Variants in ZNF536 observed in about 807,000 individuals in gnomAD.
The protein encoded by ZNF536 is zinc finger protein 536.
ZNF536 carries 13 observed loss-of-function variants against 84.5 expected under a neutral mutation model. That is an observed-to-expected ratio of 0.15 (90% CI 0.10 to 0.24). The LOEUF is 0.24. ZNF536 is among the 10% of genes least tolerant of loss of function. The pLI is 1.00. For missense variants in ZNF536, 1,536 were observed against 1,747.5 expected (o/e 0.88, Z 2.16); for synonymous variants, 811 against 742.5 (o/e 1.09, Z -1.50).
chr19:30,354,972 T>C (rs2048045778), intron 3 of ZNF536, among the ~76,000 whole-genome samples: 2 of 152,212 alleles, frequency 1.3e-5, no homozygotes, highest in African/African-American at 4.8e-5. Flanking sequence ...GGACTCTTGG[T>C]GCTTCTCTTC....
chr19:30,366,398 A>ATCTATATC lies in ZNF536; in HGVS notation c.-3+13915_-3+13916insCTATATCT, dbSNP rs879736709. On this transcript the variant is annotated intron_variant, in intron 3 of 5. Coordinates refer to the ZNF536 transcript ENST00000585628. ...TATCTATCTATCTATCTATCTATCT[A>ATCTATATC]TATCTATCTCCTTCCTTCCTTCTTT... Among the ~76,000 whole-genome samples the ATCTATATC allele has an allele frequency of 3.1e-3, 430 of 140,874 alleles. 2 individuals are homozygous for ATCTATATC. The highest frequency in any genetic ancestry group is 7.2e-3 in the Middle Eastern group (2 of 278). The allele number at this position is 140,874 out of a possible 152,430, so 92.4% of individuals were successfully genotyped here. A position where few individuals can be genotyped will look rare whatever the true frequency, so the allele number is the denominator to read the frequency against.
intron 1 of ZNF536, among the ~76,000 whole-genome samples, chr19:30,419,215 G>C (rs2050855506): frequency 6.6e-6 from 1 of 152,184 alleles, no homozygotes; most frequent in South Asian, 2.1e-4. Flanking sequence ...TTGAAAGCCT[G>C]AGTTTTAAGG....
intron 2 of ZNF536, among the ~76,000 whole-genome samples, chr19:30,477,622 G>A (rs1357634388): frequency 6.6e-6 from 1 of 152,204 alleles, no homozygotes; most frequent in Non-Finnish European, 1.5e-5. Flanking sequence ...TGTTTGGAGT[G>A]TTGTTGGGTC....
intron 2 of ZNF536, among the ~76,000 whole-genome samples, chr19:30,446,388 T>G (rs1448394145): frequency 6.6e-6 from 1 of 152,012 alleles, no homozygotes; most frequent in Non-Finnish European, 1.5e-5. Flanking sequence ...TTTCACCGCC[T>G]GACGCTGTCG....
At chr19:30,279,295 C>T (rs527603018) in intron 1 of ZNF536, among the ~76,000 whole-genome samples, 9 of 152,292 alleles carry the variant, frequency 5.9e-5, no homozygotes, top group Non-Finnish European at 1.3e-4. Context: ...CAGGTGGACA[C>T]GATGTTTATC....
chr19:30,607,001 C>G (rs1433712452), intron 1 of ZNF536, among the ~76,000 whole-genome samples: 1 of 152,110 alleles, frequency 6.6e-6, no homozygotes, highest in Admixed American at 6.5e-5. Context: ...AAGGCTGGCT[C>G]TCACGACCCC....
At chr19:30,663,403 G>T (rs1434081516) in intron 1 of ZNF536, among the ~76,000 whole-genome samples, 1 of 152,116 alleles carries the variant, frequency 6.6e-6, no homozygotes, top group East Asian at 1.9e-4. Flanking sequence ...CATACAGTAT[G>T]TTTCTTAAAA....
intron 1 of ZNF536, among the ~76,000 whole-genome samples, chr19:30,386,199 C>T (rs2049334432): frequency 6.6e-6 from 1 of 152,158 alleles, no homozygotes; most frequent in Non-Finnish European, 1.5e-5. Flanking sequence ...CCAGAAAACT[C>T]CCTTTCATCC....
chr19:30,599,643 T>G (rs2047611862), intron 1 of ZNF536, among the ~76,000 whole-genome samples: 1 of 151,918 alleles, frequency 6.6e-6, no homozygotes, highest in Admixed American at 6.5e-5. Flanking sequence ...TGGCCTCCCT[T>G]TACAAGACAA....
At chr19:30,681,333 T>G (rs527302757) in intron 1 of ZNF536, among the ~76,000 whole-genome samples, 1 of 152,196 alleles carries the variant, frequency 6.6e-6, no homozygotes, top group East Asian at 1.9e-4. Flanking sequence ...TGTGCTAAGT[T>G]TGAGTCAACA....
chr19:30,445,258 T>C lies in ZNF536; in HGVS notation c.1696T>C (p.Tyr566His). ...GVLFDKEKREYVLVGADGSKQ... is the reference protein window; with the variant it reads ...GVLFDKEKREHVLVGADGSKQ... ...TCTGTTTGATAAGGAGAAGCGGGAG[T>C]ACGTGTTAGTGGGAGCAGATGGCTC... is the stretch of plus-strand genomic sequence containing the variant. Residue 566 changes from tyrosine (Y) to histidine (H), a missense_variant, in exon 2 of 5, where the codon TAC (tyrosine) becomes CAC (histidine). By Grantham distance (83) the Tyr-to-His change is moderately conservative. This residue lies in a region of ZNF536 where 366 missense variants were observed against 364.4 expected (regional missense o/e 1.00). Transcript: ENST00000355537. This position sits in a 1 kb window ranked among gnomAD's most constrained non-coding sequence, Gnocchi z 4.5. 1.2e-6 allele frequency: 2 copies of C among 1,613,746 alleles called. No individual in the cohort carries two copies. The highest frequency in any genetic ancestry group is 1.7e-6 in the Non-Finnish European group (2 of 1,179,978).
At chr19:30,355,832 G>A (rs568322920) in intron 3 of ZNF536, among the ~76,000 whole-genome samples, 1 of 152,262 alleles carries the variant, frequency 6.6e-6, no homozygotes, top group Non-Finnish European at 1.5e-5. Flanking sequence ...TGCTCCTTAT[G>A]AGAATCTAAT....
At chr19:30,691,360 A>G (rs1188679392) in intron 1 of ZNF536, among the ~76,000 whole-genome samples, 1 of 151,974 alleles carries the variant, frequency 6.6e-6, no homozygotes, top group East Asian at 1.9e-4. Context: ...CCCAGGCCAG[A>G]TGGAACAGGA....
At chr19:30,704,324 C>A (rs964901126) in intron 1 of ZNF536, among the ~76,000 whole-genome samples, 1 of 152,132 alleles carries the variant, frequency 6.6e-6, no homozygotes, top group African/African-American at 2.4e-5. Context: ...ATGGCACAGG[C>A]AACATGGCTG....
intron 2 of ZNF536, among the ~76,000 whole-genome samples, chr19:30,527,211 C>A (rs1173861458): frequency 6.8e-6 from 1 of 147,110 alleles, no homozygotes; most frequent in Non-Finnish European, 1.5e-5. Flanking sequence ...TCCACCACAC[C>A]CAGCCTCCTT....
At chr19:30,439,955 C>CTTTTTTT (rs1369505835) in intron 1 of ZNF536, among the ~76,000 whole-genome samples, 183 of 132,986 alleles carry the variant, frequency 1.4e-3, no homozygotes, top group African/African-American at 4.9e-3. Flanking sequence ...CTTTTTCTTT[C>CTTTTTTT]TTTCTTTTTT....
chr19:30,483,572 G>T (rs981325832), intron 2 of ZNF536, among the ~76,000 whole-genome samples: 1 of 141,442 alleles, frequency 7.1e-6, no homozygotes, highest in Non-Finnish European at 1.5e-5. Context: ...CCCTCTTTCT[G>T]CTTCTTAAAC....
chr19:30,517,953 C>T (rs990392062), intron 2 of ZNF536, among the ~76,000 whole-genome samples: 5 of 152,156 alleles, frequency 3.3e-5, no homozygotes, highest in African/African-American at 9.7e-5. Flanking sequence ...AGGTCATTAA[C>T]GTGGTGGGCA....
chr19:30,689,426 C>T (rs1421983794), intron 1 of ZNF536, among the ~76,000 whole-genome samples: 1 of 152,212 alleles, frequency 6.6e-6, no homozygotes, highest in African/African-American at 2.4e-5. Flanking sequence ...CAAACAGGAA[C>T]ATTTTCTTTC....
Sources: gnomAD v4.1 joint callset for allele counts (sites outside exome capture counted in the v4.1 genomes callset) on GRCh38, gnomAD v4.1.1 for gene constraint, gnomAD v4.1.1 regional missense constraint, Gnocchi (gnomAD v3.1) non-coding constraint, MANE v1.5 for transcripts, NCBI Gene and HGNC (gene_info 2026-07-23, HGNC 2026-07-21) for gene names.